The following OSBP2 variants were observed in gnomAD, a reference collection of about 807,000 sequenced individuals.
OSBP2 encodes the protein oxysterol-binding protein 2.
OSBP2 carries 66 observed loss-of-function variants against 96.0 expected under a neutral mutation model. The observed-to-expected ratio is 0.69, with a 90% CI of 0.56 to 0.84. The LOEUF (loss-of-function observed/expected upper bound fraction) is 0.84, where lower values mean the gene tolerates loss of function less well. OSBP2 is among the 40% of genes least tolerant of loss of function. The pLI, the probability that OSBP2 is intolerant of heterozygous loss-of-function variation, is 0.00. For missense variants in OSBP2, 1,038 were observed against 1,222.7 expected, an observed-to-expected ratio of 0.85 and a Z score of 2.25; for synonymous variants, 525 against 520.9, an observed-to-expected ratio of 1.01 and a Z score of -0.11.
At chr22:30,823,301 T>G (rs1319681429) in intron 2 of OSBP2, among the ~76,000 whole-genome samples, 1 of 152,262 alleles carries the variant, frequency 6.6e-6, no homozygotes, top group Admixed American at 6.5e-5. Context: ...CTGTCTTAAA[T>G]GGAAGACTTG....
intron 2 of OSBP2, among the ~76,000 whole-genome samples, chr22:30,861,702 C>T (rs4820029): frequency 0.11 from 16,868 of 152,118 alleles, 1,043 homozygotes; most frequent in African/African-American, 0.15. Context: ...TTTTAATGAT[C>T]CCTTTTGTGG....
Position 30,906,672 on chromosome 22 carries a change from G to A in OSBP2, c.*333G>A. 4.1e-6 allele frequency: 1 copy of A among 243,442 alleles called. No individual in the cohort carries two copies. Among genetic ancestry groups the A allele is most frequent in the Non-Finnish European group, 7.8e-6 (1 of 127,838 alleles). 15.1% of individuals were successfully genotyped at this position (243,442 alleles called of 1,614,324 possible). A position where few individuals can be genotyped will look rare whatever the true frequency, so the allele number is the denominator to read the frequency against. Reference sequence around the variant, plus strand: ...GCGCAAATCACCAGCCCCCAACCCAGGGAGGAACTGGCCCCTCCTAGGGAG... The same window carrying A: ...GCGCAAATCACCAGCCCCCAACCCAAGGAGGAACTGGCCCCTCCTAGGGAG... On this transcript the variant is annotated 3_prime_UTR_variant, in exon 14 of 14. Transcript: ENST00000332585.
chr22:30,724,394 T>C (rs2089607152), intron 1 of OSBP2, among the ~76,000 whole-genome samples: 3 of 152,158 alleles, frequency 2.0e-5, no homozygotes, highest in Admixed American at 2.0e-4. Context: ...GTTTATTTTA[T>C]ATTTTTAGTA....
At chr22:30,781,721 G>T (rs1464126034) in intron 2 of OSBP2, among the ~76,000 whole-genome samples, 1 of 152,188 alleles carries the variant, frequency 6.6e-6, no homozygotes, top group African/African-American at 2.4e-5. Context: ...GAGACAGGAG[G>T]TCTGACCACA....
intron 2 of OSBP2, among the ~76,000 whole-genome samples, chr22:30,806,093 A>G (rs1197418994): frequency 1.3e-5 from 2 of 152,218 alleles, no homozygotes; most frequent in Non-Finnish European, 2.9e-5. Context: ...TAACTCAGTC[A>G]TCATCATGAC....
chr22:30,804,434 A>G (rs774751253), intron 2 of OSBP2, among the ~76,000 whole-genome samples: 1 of 152,140 alleles, frequency 6.6e-6, no homozygotes, highest in Non-Finnish European at 1.5e-5. Flanking sequence ...GCTTCCTTGG[A>G]TCATTGGATG....
intron 2 of OSBP2, among the ~76,000 whole-genome samples, chr22:30,774,279 A>G (rs776794364): frequency 6.6e-6 from 1 of 152,214 alleles, no homozygotes; most frequent in Non-Finnish European, 1.5e-5. Flanking sequence ...CTGCGGGGAC[A>G]AATGAGTGTG....
chr22:30,806,491 C>T (rs888252684), intron 2 of OSBP2, among the ~76,000 whole-genome samples: 2 of 152,112 alleles, frequency 1.3e-5, no homozygotes, highest in Admixed American at 6.6e-5. Flanking sequence ...GGGCAGCAGC[C>T]GCAGCAGTAA....
intron 3 of OSBP2, among the ~76,000 whole-genome samples, chr22:30,882,806 T>A (rs903758560): frequency 6.6e-6 from 1 of 152,144 alleles, no homozygotes; most frequent in Admixed American, 6.5e-5. Context: ...AAGGAGAAAA[T>A]AGTCATTTCT....
chr22:30,717,049 A>G (rs1230378998), intron 1 of OSBP2, among the ~76,000 whole-genome samples: 1 of 149,820 alleles, frequency 6.7e-6, no homozygotes, highest in African/African-American at 2.5e-5. Flanking sequence ...CAGATGTTAC[A>G]TTTAGGCATT....
chr22:30,700,032 G>A (rs1013071713), intron 1 of OSBP2, among the ~76,000 whole-genome samples: 2 of 150,362 alleles, frequency 1.3e-5, no homozygotes, highest in East Asian at 1.9e-4. Flanking sequence ...GCACGATCTC[G>A]GCTCACTGTG....
chr22:30,834,806 C>A (rs1307365507), intron 2 of OSBP2, among the ~76,000 whole-genome samples: 1 of 150,348 alleles, frequency 6.7e-6, no homozygotes. Flanking sequence ...CTTTTCTTTT[C>A]TTTTCTTTTC....
At chr22:30,887,210 T>A (rs2039830772) in intron 3 of OSBP2, among the ~76,000 whole-genome samples, 1 of 152,230 alleles carries the variant, frequency 6.6e-6, no homozygotes, top group Non-Finnish European at 1.5e-5. Context: ...GCTCCTTTAC[T>A]GCAACCTGTT....
intron 2 of OSBP2, among the ~76,000 whole-genome samples, chr22:30,806,120 C>T (rs1296845821): frequency 2.0e-5 from 3 of 152,170 alleles, no homozygotes; most frequent in Admixed American, 2.0e-4. Flanking sequence ...AGAGGAGAAC[C>T]ACTGCCATCC....
intron 1 of OSBP2, among the ~76,000 whole-genome samples, chr22:30,702,887 T>C (rs1259132775): frequency 6.6e-6 from 1 of 152,218 alleles, no homozygotes; most frequent in Non-Finnish European, 1.5e-5. Flanking sequence ...ACATCCTCAG[T>C]AGCTTGGTTT....
chr22:30,785,538 G>T (rs757140017), intron 2 of OSBP2, among the ~76,000 whole-genome samples: 6 of 147,872 alleles, frequency 4.1e-5, no homozygotes, highest in Non-Finnish European at 5.9e-5. Flanking sequence ...TTGCACTCCA[G>T]TGTGGGTGAC....
At position 30,797,291 on chromosome 22, in the gene OSBP2, A is replaced by T. The variant is rs557097464; in HGVS notation, c.853+55922A>T. 4.6e-5 allele frequency among the ~76,000 whole-genome samples: 7 copies of T among 151,744 alleles called. No individual in the cohort carries two copies. In the South Asian group the frequency reaches 1.0e-3, roughly 23 times the overall value. On this transcript the variant is annotated intron_variant, in intron 2 of 13. Transcript: ENST00000332585. ...GCTATGTTTATTTATTTATTATTTT[A>T]TTTTTTTTGAGACAAAGTCTCCGCC...
intron 1 of OSBP2, among the ~76,000 whole-genome samples, chr22:30,719,211 C>G (rs1383767051): frequency 6.6e-6 from 1 of 152,092 alleles, no homozygotes; most frequent in African/African-American, 2.4e-5. Flanking sequence ...CCTTCTCTTT[C>G]AGCCTTAGTT....
At chr22:30,802,631 G>A (rs2090866295) in intron 2 of OSBP2, among the ~76,000 whole-genome samples, 2 of 152,250 alleles carry the variant, frequency 1.3e-5, no homozygotes, top group Non-Finnish European at 2.9e-5. Flanking sequence ...CCGCCACGGA[G>A]AGCTCGCCTT....
Sources: gnomAD v4.1 joint callset for allele counts (sites outside exome capture counted in the v4.1 genomes callset) on GRCh38, gnomAD v4.1.1 for gene constraint, MANE v1.5 for transcripts, NCBI Gene and HGNC (gene_info 2026-07-23, HGNC 2026-07-21) for gene names.